Variants in DDX50 observed in about 807,000 individuals in gnomAD.
DDX50 encodes DExD-box helicase 50.
DDX50 carries 56 observed loss-of-function variants against 94.8 expected under a neutral mutation model. The observed-to-expected ratio is 0.59, with a 90% CI of 0.48 to 0.74. The LOEUF (loss-of-function observed/expected upper bound fraction) is 0.74, where lower values mean the gene tolerates loss of function less well. Among genes scored for constraint, DDX50 ranks in the 30% least tolerant of loss-of-function variants. The probability of loss-of-function intolerance (pLI) is 0.00; values close to 1 mark genes in which losing one functional copy is unlikely to be tolerated. For synonymous variants in DDX50, 264 were observed against 295.4 expected, an observed-to-expected ratio of 0.89 and a Z score of 1.09; for missense variants, 713 against 881.2, an observed-to-expected ratio of 0.81 and a Z score of 2.42.
chr10:68,938,737 T>C (rs1842483878), intron 12 of DDX50, among the ~76,000 whole-genome samples: 1 of 152,232 alleles, frequency 6.6e-6, no homozygotes, highest in Admixed American at 6.5e-5. Flanking sequence ...CTTATTGGGC[T>C]CCATTCCGTT....
At chr10:68,940,525 T>C (rs1198506891) in intron 12 of DDX50, among the ~76,000 whole-genome samples, 2 of 151,972 alleles carry the variant, frequency 1.3e-5, no homozygotes, top group African/African-American at 2.4e-5. Context: ...GCTCCTGGGC[T>C]CAAGCCTCCC....
intron 7 of DDX50, among the ~76,000 whole-genome samples, chr10:68,916,979 C>T (rs955577773): frequency 3.3e-5 from 5 of 152,126 alleles, no homozygotes; most frequent in African/African-American, 1.2e-4. Context: ...AGCCACTGCG[C>T]CTGGCATAGT....
chr10:68,910,164 G>C, intron 2 of DDX50, 143 bp from the exon 3 acceptor site: 1 of 684,176 alleles, frequency 1.5e-6, no homozygotes, highest in Non-Finnish European at 2.4e-6. Flanking sequence ...TCCAACCTGG[G>C]CAACAGAGTG....
At chr10:68,907,696 T>TG (rs1175672867) in intron 2 of DDX50, among the ~76,000 whole-genome samples, 3 of 152,136 alleles carry the variant, frequency 2.0e-5, no homozygotes, top group Admixed American at 1.3e-4. Context: ...GCATAATCTT[T>TG]GGGGAAAAGT....
At chr10:68,944,930 A>T (rs1348990495) in intron 14 of DDX50, among the ~76,000 whole-genome samples, 2 of 152,036 alleles carry the variant, frequency 1.3e-5, no homozygotes, top group Non-Finnish European at 2.9e-5. Context: ...TGATCCTCCC[A>T]AAGTATTGGG....
At chr10:68,941,804 T>A (rs962222292) in intron 13 of DDX50, among the ~76,000 whole-genome samples, 1 of 152,102 alleles carries the variant, frequency 6.6e-6, no homozygotes, top group Non-Finnish European at 1.5e-5. Flanking sequence ...TATGCCCAGC[T>A]AATTTTTGTA....
intron 14 of DDX50, 113 bp from the exon 15 acceptor site, chr10:68,946,239 A>G: frequency 7.7e-7 from 1 of 1,299,108 alleles, no homozygotes; most frequent in African/African-American, 1.5e-5. Context: ...ATACGTTAAC[A>G]GAATAGATGG....
intron 8 of DDX50, among the ~76,000 whole-genome samples, chr10:68,931,418 TATATATATACACAA>T (rs1842265390): frequency 3.5e-5 from 1 of 28,420 alleles, no homozygotes; most frequent in African/African-American, 1.6e-4. Context: ...TATGTATATA[TATATATATACACAA>T]ACACACACAC....
chr10:68,920,670 G>T (rs1357272094), intron 8 of DDX50, among the ~76,000 whole-genome samples: 2 of 151,834 alleles, frequency 1.3e-5, no homozygotes, highest in African/African-American at 4.8e-5. Flanking sequence ...TTTTGGCTGG[G>T]CACGGTAGCT....
chr10:68,917,677 A>G (rs910905774), intron 7 of DDX50, among the ~76,000 whole-genome samples: 1 of 152,080 alleles, frequency 6.6e-6, no homozygotes, highest in African/African-American at 2.4e-5. Flanking sequence ...ATCTCAGCTC[A>G]TTGCAGCCTC....
rs12265267 is a variant in DDX50 at position 68,938,941 on chromosome 10, A to G, written c.1755+1846A>G. 7.8e-3 allele frequency among the ~76,000 whole-genome samples: 1,191 copies of G among 152,120 alleles called. 21 individuals are homozygous for G. The highest frequency in any genetic ancestry group is 0.027 in the African/African-American group (1,110 of 41,480). ...GGTCGGTTGTTTGGTAGAATATCTCACTGTCTGGATTTGTCCGAATCTCTT... is the reference window on the plus strand; with the variant it reads ...GGTCGGTTGTTTGGTAGAATATCTCGCTGTCTGGATTTGTCCGAATCTCTT... On this transcript the variant is annotated intron_variant, in intron 12 of 14. Coordinates refer to ENST00000373585, the MANE Select transcript of DDX50 (RefSeq NM_024045.2).
Position 68,934,619 on chromosome 10 carries a change from G to T in DDX50, c.1402-180G>T, listed in dbSNP as rs1266226081. On this transcript the variant is annotated intron_variant, in intron 9 of 14. Coordinates refer to ENST00000373585, the MANE Select transcript of DDX50 (RefSeq NM_024045.2). The surrounding 1 kb of genome is among the most constrained non-coding windows in gnomAD (Gnocchi z 4.0). ...CCATAAAGAAACCTGGGATGAGGTG[G>T]ATTAAAAGGTTTTAAATCATATTGC... is the stretch of plus-strand genomic sequence containing the variant. 6.6e-6 allele frequency among the ~76,000 whole-genome samples: 1 copy of T among 152,074 alleles called. No individual in the cohort carries two copies. Among genetic ancestry groups the T allele is most frequent in the Non-Finnish European group, 1.5e-5 (1 of 68,024 alleles).
chr10:68,912,842 A>G (rs1841671377), intron 4 of DDX50, among the ~76,000 whole-genome samples: 2 of 152,146 alleles, frequency 1.3e-5, no homozygotes. Context: ...CTTACATTTT[A>G]TTGGGTGAGA....
At chr10:68,911,906 A>G (rs1841635222) in intron 4 of DDX50, 1 of 152,238 alleles carries the variant, frequency 6.6e-6, no homozygotes, top group South Asian at 2.1e-4. Flanking sequence ...TGACCTAAAA[A>G]GCTGTGTGCA....
In DDX50 at chr10:68,901,332, G is replaced by T. The variant is rs894832822; in HGVS notation, c.-53G>T. On this transcript the variant is annotated 5_prime_UTR_variant, in exon 1 of 15. Transcript: ENST00000373585. ...CCCCGCTTCCTTTCACGCTGTCGCT[G>T]CCCGTAGGTGGTTGTGGCCACTGTG... 6.8e-6 allele frequency: 10 copies of T among 1,475,396 alleles called. No homozygotes were observed. In the African/African-American group the frequency reaches 7.2e-5, roughly 11 times the overall value. The allele number at this position is 1,475,396 out of a possible 1,614,324, so 91.4% of individuals were successfully genotyped here.
At chr10:68,928,446 G>A (rs1842148320) in intron 8 of DDX50, among the ~76,000 whole-genome samples, 2 of 152,186 alleles carry the variant, frequency 1.3e-5, no homozygotes, top group Admixed American at 6.6e-5. Context: ...CAAGGCAGGA[G>A]GATCACTTGA....
chr10:68,929,841 T>C (rs143448169), intron 8 of DDX50, among the ~76,000 whole-genome samples: 2,482 of 151,742 alleles, frequency 0.016, 24 homozygotes, highest in Admixed American at 0.026. Context: ...CAAGTGATTC[T>C]CCTGCCTCAG....
At chr10:68,902,659 A>G (rs1407283624) in intron 1 of DDX50, among the ~76,000 whole-genome samples, 2 of 151,102 alleles carry the variant, frequency 1.3e-5, no homozygotes, top group African/African-American at 4.8e-5. Context: ...CTACCATTCT[A>G]CTTTCGCTCT....
chr10:68,906,647 C>T (rs368225061), intron 1 of DDX50, 64 bp from the exon 2 acceptor site: 1 of 1,559,420 alleles, frequency 6.4e-7, no homozygotes, highest in Non-Finnish European at 8.7e-7. Context: ...CATGCTCTAA[C>T]TTCTCTAGAG....
Sources: gnomAD v4.1 joint callset for allele counts (sites outside exome capture counted in the v4.1 genomes callset) on GRCh38, gnomAD v4.1.1 for gene constraint, Gnocchi (gnomAD v3.1) non-coding constraint, MANE v1.5 for transcripts, NCBI Gene and HGNC (gene_info 2026-07-23, HGNC 2026-07-21) for gene names.